ROBO1: variants seen among roughly 807,000 people sequenced by gnomAD.
ROBO1 encodes roundabout guidance receptor 1, also known as roundabout homolog 1.
In ROBO1, 149 loss-of-function variants were observed where a neutral mutation model predicts 195.9. The observed-to-expected ratio is 0.76, with a 90% CI of 0.67 to 0.87. The LOEUF is 0.87. Ranked by LOEUF, ROBO1 falls within the 40% of genes least tolerant of loss-of-function variation. The pLI, the probability that ROBO1 is intolerant of heterozygous loss-of-function variation, is 0.00. For synonymous variants in ROBO1, 816 were observed against 733.2 expected (o/e 1.11, Z -1.82); for missense variants, 1,933 against 2,068.3 (o/e 0.93, Z 1.27).
chr3:78,972,769 T>C (rs1434045645), intron 3 of ROBO1, among the ~76,000 whole-genome samples: 1 of 152,156 alleles, frequency 6.6e-6, no homozygotes, highest in Non-Finnish European at 1.5e-5. Flanking sequence ...TCAGGTTCCA[T>C]TCCTCGATCA....
chr3:79,536,726 T>G (rs2107628707), intron 2 of ROBO1, among the ~76,000 whole-genome samples: 1 of 152,298 alleles, frequency 6.6e-6, no homozygotes, highest in African/African-American at 2.4e-5. Flanking sequence ...AATGAATCTT[T>G]GATGCCATCT....
chr3:78,915,759 T>G (rs1488271959), intron 4 of ROBO1, among the ~76,000 whole-genome samples: 10 of 152,052 alleles, frequency 6.6e-5, no homozygotes. Flanking sequence ...CCCTGCAGCT[T>G]AAATCTTCCC....
chr3:79,523,182 C>T (rs2107585554), intron 2 of ROBO1, among the ~76,000 whole-genome samples: 1 of 152,070 alleles, frequency 6.6e-6, no homozygotes, highest in African/African-American at 2.4e-5. Context: ...CACACACACA[C>T]ACACACACAC....
At chr3:79,153,132 T>C (rs1297289895) in intron 2 of ROBO1, among the ~76,000 whole-genome samples, 3 of 151,502 alleles carry the variant, frequency 2.0e-5, no homozygotes, top group African/African-American at 7.3e-5. Context: ...GTGGTAGTAG[T>C]GATGGGCATT....
intron 2 of ROBO1, among the ~76,000 whole-genome samples, chr3:79,370,231 G>A (rs558047442): frequency 6.6e-6 from 1 of 151,672 alleles, no homozygotes; most frequent in South Asian, 2.1e-4. Flanking sequence ...GTGGGCATGT[G>A]CCTGTAGTCC....
At chr3:79,704,132 A>ACTC (rs1947698731) in intron 1 of ROBO1, among the ~76,000 whole-genome samples, 1 of 151,950 alleles carries the variant, frequency 6.6e-6, no homozygotes, top group South Asian at 2.1e-4. Context: ...TCCTATACCC[A>ACTC]CTGTACACAG....
chr3:79,640,391 T>A (rs1945623470), intron 1 of ROBO1, among the ~76,000 whole-genome samples: 1 of 151,752 alleles, frequency 6.6e-6, no homozygotes, highest in African/African-American at 2.4e-5. Flanking sequence ...GGGTGCTCCC[T>A]AGCAACTTGG....
chr3:79,216,325 T>C (rs944285336), intron 2 of ROBO1, among the ~76,000 whole-genome samples: 3 of 152,066 alleles, frequency 2.0e-5, no homozygotes, highest in Non-Finnish European at 4.4e-5. Context: ...GAACAATCTC[T>C]TGTTTTTTAA....
At chr3:78,853,360 T>C (rs2034193915) in intron 4 of ROBO1, among the ~76,000 whole-genome samples, 1 of 151,416 alleles carries the variant, frequency 6.6e-6, no homozygotes, top group African/African-American at 2.4e-5. Context: ...GTAATTTTTG[T>C]ATATATACAT....
chr3:79,272,066 T>G (rs2030615944), intron 2 of ROBO1, among the ~76,000 whole-genome samples: 1 of 152,004 alleles, frequency 6.6e-6, no homozygotes, highest in Non-Finnish European at 1.5e-5. Context: ...AATATAGAGC[T>G]AAATCTATTT....
At chr3:79,331,596 C>T (rs1450769881) in intron 2 of ROBO1, among the ~76,000 whole-genome samples, 1 of 152,026 alleles carries the variant, frequency 6.6e-6, no homozygotes, top group Non-Finnish European at 1.5e-5. Context: ...TGATAGAAAG[C>T]ATGTAATGAT....
intron 3 of ROBO1, among the ~76,000 whole-genome samples, chr3:79,015,988 G>C (rs2077922764): frequency 6.6e-6 from 1 of 152,146 alleles, no homozygotes; most frequent in Non-Finnish European, 1.5e-5. Context: ...TATCCCCTCA[G>C]TACACTTTGA....
chr3:78,744,424 GCAGAGGCTTCC>G (rs1285098187), intron 5 of ROBO1, among the ~76,000 whole-genome samples: 1 of 152,150 alleles, frequency 6.6e-6, no homozygotes, highest in Non-Finnish European at 1.5e-5. Flanking sequence ...TCTCAAGAGA[GCAGAGGCTTCC>G]CACCTTACTT....
rs575619936 is a variant in ROBO1 at position 79,098,154 on chromosome 3, C to T, written c.172+27302G>A. ...TGTCTACACAGATGAGATTTATAGG[C>T]TGAGGAATGACCCATATGTCTGCTC... On this transcript the variant is annotated intron_variant, in intron 3 of 30. Transcript: ENST00000464233. Among the ~76,000 whole-genome samples the T allele has an allele frequency of 2.6e-5, 4 of 151,802 alleles. 1 individual carries two copies. The South Asian group carries it at 8.3e-4, about 31-fold the overall frequency.
At chr3:78,700,975 G>C (rs533908535) in intron 8 of ROBO1, among the ~76,000 whole-genome samples, 71 of 152,182 alleles carry the variant, frequency 4.7e-4, no homozygotes, top group African/African-American at 1.5e-3. Flanking sequence ...TGTTGGCCAG[G>C]CTTGTCTCGA....
intron 4 of ROBO1, among the ~76,000 whole-genome samples, chr3:78,860,326 A>ATATATATATATATATATATATATATTT (rs376853384): frequency 5.3e-5 from 5 of 93,516 alleles, no homozygotes; most frequent in African/African-American, 1.8e-4. Flanking sequence ...ATATATATAT[A>ATATATATATATATATATATATATATTT]TTTTTTTTTT....
At chr3:78,881,334 C>A (rs545029091) in intron 4 of ROBO1, among the ~76,000 whole-genome samples, 1 of 152,260 alleles carries the variant, frequency 6.6e-6, no homozygotes, top group East Asian at 1.9e-4. Context: ...GGGCATTCAC[C>A]TCATAGACTG....
intron 28 of ROBO1, among the ~76,000 whole-genome samples, chr3:78,609,301 C>T (rs977799365): frequency 2.6e-5 from 4 of 152,140 alleles, no homozygotes; most frequent in African/African-American, 4.8e-5. Flanking sequence ...ATTGACTATG[C>T]AGAGGTAATG....
intron 2 of ROBO1, among the ~76,000 whole-genome samples, chr3:79,357,175 A>T (rs2109290370): frequency 6.6e-6 from 1 of 152,284 alleles, no homozygotes; most frequent in Non-Finnish European, 1.5e-5. Context: ...CTAAAAAATT[A>T]TTAGAAGCAT....
Sources: allele counts gnomAD v4.1 joint callset (sites outside exome capture counted in the v4.1 genomes callset), GRCh38; gene constraint gnomAD v4.1.1; transcripts MANE v1.5; gene names NCBI Gene and HGNC (gene_info 2026-07-23, HGNC 2026-07-21).